ARHGAP26: variants seen among roughly 807,000 people sequenced by gnomAD.
ARHGAP26 encodes the protein Rho GTPase activating protein 26.
Under a neutral mutation model 104.8 loss-of-function variants are expected in ARHGAP26, and 38 were observed. The ratio of observed to expected loss-of-function variants is 0.36; its 90% CI spans 0.28 to 0.48. The LOEUF is 0.48. Among genes scored for constraint, ARHGAP26 ranks in the 20% least tolerant of loss-of-function variants. The pLI, the probability that ARHGAP26 is intolerant of heterozygous loss-of-function variation, is 0.99. For missense variants in ARHGAP26, 704 were observed against 947.9 expected (o/e 0.74, Z 3.38); for synonymous variants, 341 against 340.0 (o/e 1.00, Z -0.03).
intron 17 of ARHGAP26, among the ~76,000 whole-genome samples, chr5:143,071,744 C>T (rs1320624370): frequency 6.6e-6 from 1 of 151,666 alleles, no homozygotes; most frequent in Non-Finnish European, 1.5e-5. Context: ...CCCATCTCTA[C>T]TACAAAAAAA....
intron 11 of ARHGAP26, among the ~76,000 whole-genome samples, chr5:142,994,802 A>G (rs1190995497): frequency 5.9e-5 from 9 of 152,220 alleles, no homozygotes; most frequent in Non-Finnish European, 1.3e-4. Flanking sequence ...TGCTGCTGCT[A>G]CCTTCTACTT....
At chr5:143,128,378 G>A (rs1297571792) in intron 18 of ARHGAP26, among the ~76,000 whole-genome samples, 1 of 152,152 alleles carries the variant, frequency 6.6e-6, no homozygotes, top group Non-Finnish European at 1.5e-5. Flanking sequence ...GATTACCCAA[G>A]CTGTCTATAT....
intron 1 of ARHGAP26, among the ~76,000 whole-genome samples, chr5:142,846,554 G>T (rs1218705932): frequency 2.0e-5 from 3 of 152,168 alleles, no homozygotes. Flanking sequence ...GCAGAACTGG[G>T]CCTGCTGCTT....
At chr5:142,919,317 G>A (rs1762893602) in intron 10 of ARHGAP26, 1 of 398,702 alleles carries the variant, frequency 2.5e-6, no homozygotes, top group Non-Finnish European at 4.4e-6. Context: ...CCAAAGGTTG[G>A]CAGCAGAGCA....
At position 142,833,660 on chromosome 5, in the gene ARHGAP26, C is replaced by T. The variant is rs867151472; in HGVS notation, c.155-39740C>T. The stretch of plus-strand genomic sequence containing the variant: ...ACATCCTACCTACCGCTGATATTTG[C>T]GCTCTTTCTGTGTGAGCAAGGGTCA... On this transcript the variant is annotated intron_variant, in intron 1 of 22. Transcript: ENST00000645722. Among the ~76,000 whole-genome samples the T allele has an allele frequency of 1.1e-4, 17 of 152,220 alleles. No individual in the cohort carries two copies. The South Asian group carries it at 1.5e-3, about 13-fold the overall frequency.
intron 1 of ARHGAP26, among the ~76,000 whole-genome samples, chr5:142,796,234 A>G (rs1760972616): frequency 6.6e-6 from 1 of 152,240 alleles, no homozygotes; most frequent in Non-Finnish European, 1.5e-5. Context: ...TGATTCTTAT[A>G]TTGGAATGTT....
At position 142,967,534 on chromosome 5, in the gene ARHGAP26, C is replaced by A. The variant is rs546392332; in HGVS notation, c.1107+35409C>A. ...CGGTGGCTCACGCCTGTAATCCCAG[C>A]ACTTTGGGAGGCCGAGGCAGGTGGA... On this transcript the variant is annotated intron_variant, in intron 11 of 22. Coordinates refer to ENST00000645722, the MANE Select transcript of ARHGAP26 (RefSeq NM_001135608.3). Among the ~76,000 whole-genome samples, 10 of 152,314 alleles carry A rather than the reference C, an allele frequency of 6.6e-5. No homozygotes were observed. The South Asian group carries it at 2.1e-3, about 32-fold the overall frequency.
chr5:142,887,162 G>C lies in ARHGAP26; in HGVS notation c.486+1763G>C, dbSNP rs74977124. ...CTTCTCCACCAGATCCATTCTCTCC[G>C]TGGTCAAATATTGCAGACTTGGTCT... On this transcript the variant is annotated intron_variant, in intron 5 of 22. Transcript: ENST00000645722. 2.8e-3 allele frequency among the ~76,000 whole-genome samples: 431 copies of C among 152,258 alleles called. 9 individuals are homozygous for C. In the East Asian group the frequency reaches 0.048, roughly 17 times the overall value.
chr5:143,175,351 G>C (rs1432378455), intron 20 of ARHGAP26, among the ~76,000 whole-genome samples: 1 of 152,168 alleles, frequency 6.6e-6, no homozygotes, highest in East Asian at 1.9e-4. Context: ...AGAGGACTGT[G>C]GCACTCTGTG....
At chr5:143,141,087 C>T (rs957504608) in intron 19 of ARHGAP26, among the ~76,000 whole-genome samples, 8 of 152,244 alleles carry the variant, frequency 5.3e-5, no homozygotes, top group African/African-American at 1.9e-4. Flanking sequence ...TGTTTATTCA[C>T]ATGGATTCCT....
In ARHGAP26 at chr5:143,154,160, T is replaced by TAAAAAAAA. The variant is rs10650559; in HGVS notation, c.1988+6785_1988+6792dup. ...TGAAGATACAGTGATTTAAAAATAT[T>TAAAAAAAA]AAAAAAAAAAAAAGAGTTTCTGCTT... is the stretch of plus-strand genomic sequence containing the variant. On this transcript the variant is annotated intron_variant, in intron 20 of 22. Coordinates refer to ENST00000645722, the MANE Select transcript of ARHGAP26 (RefSeq NM_001135608.3). Among the ~76,000 whole-genome samples the TAAAAAAAA allele has an allele frequency of 2.9e-3, 407 of 142,510 alleles. 7 individuals carry two copies. Among genetic ancestry groups the TAAAAAAAA allele is most frequent in the African/African-American group, 7.7e-3 (294 of 38,146 alleles). The allele number at this position is 142,510 out of a possible 152,430, so 93.5% of individuals were successfully genotyped here. A position where few individuals can be genotyped will look rare whatever the true frequency, so the allele number is the denominator to read the frequency against.
At chr5:142,831,811 G>A (rs554916210) in intron 1 of ARHGAP26, among the ~76,000 whole-genome samples, 1 of 152,130 alleles carries the variant, frequency 6.6e-6, no homozygotes, top group East Asian at 1.9e-4. Context: ...ATTTCTCATG[G>A]ATTCAACCTT....
Position 143,225,694 on chromosome 5 carries a change from A to G in ARHGAP26, c.*3248A>G, listed in dbSNP as rs1451221296. The G allele has an allele frequency of 1.3e-5, 3 of 226,122 alleles. No individual in the cohort carries two copies. The highest frequency in any genetic ancestry group is 6.4e-5 in the East Asian group (1 of 15,718). 14.0% of individuals were successfully genotyped at this position (226,122 alleles called of 1,614,324 possible). On this transcript the variant is annotated 3_prime_UTR_variant, in exon 23 of 23. Coordinates refer to ENST00000645722, the MANE Select transcript of ARHGAP26 (RefSeq NM_001135608.3). ...ATCGGGAGAAACAGAGCTGCTGCCA[A>G]TGGGATCTTTTAGGTAACTCCCTCC...
intron 1 of ARHGAP26, among the ~76,000 whole-genome samples, chr5:142,872,636 TATG>T (rs1249439119): frequency 4.6e-5 from 7 of 152,240 alleles, no homozygotes; most frequent in African/African-American, 1.7e-4. Flanking sequence ...AGTGAAAGTT[TATG>T]ATGATGACTT....
chr5:143,052,566 A>G (rs1471607215), intron 14 of ARHGAP26, among the ~76,000 whole-genome samples: 2 of 152,200 alleles, frequency 1.3e-5, no homozygotes, highest in Non-Finnish European at 1.5e-5. Flanking sequence ...GTCACCTGCA[A>G]ACATCATACA....
intron 1 of ARHGAP26, among the ~76,000 whole-genome samples, chr5:142,824,183 C>G (rs183811039): frequency 6.6e-6 from 1 of 152,250 alleles, no homozygotes; most frequent in African/African-American, 2.4e-5. Flanking sequence ...TTCCCATGCT[C>G]TGTGTCTTAA....
intron 1 of ARHGAP26, chr5:142,772,614 T>TA (rs1219042304): frequency 2.1e-5 from 9 of 427,764 alleles, no homozygotes; most frequent in Non-Finnish European, 3.7e-5. Flanking sequence ...CTCATGTGCT[T>TA]AGATTCATTC....
chr5:142,851,198 G>A (rs1016033457), intron 1 of ARHGAP26, among the ~76,000 whole-genome samples: 1 of 151,586 alleles, frequency 6.6e-6, no homozygotes, highest in Non-Finnish European at 1.5e-5. Context: ...ACGAGTTAAA[G>A]CGATTTTTCT....
At chr5:142,782,371 G>A (rs1757691126) in intron 1 of ARHGAP26, among the ~76,000 whole-genome samples, 1 of 152,194 alleles carries the variant, frequency 6.6e-6, no homozygotes, top group Admixed American at 6.5e-5. Flanking sequence ...GAATCTATAA[G>A]AGTGAGACCC....
Sources: allele counts gnomAD v4.1 joint callset (sites outside exome capture counted in the v4.1 genomes callset), GRCh38; gene constraint gnomAD v4.1.1; transcripts MANE v1.5; gene names NCBI Gene and HGNC (gene_info 2026-07-23, HGNC 2026-07-21).